Variants in RRP1 observed in about 807,000 individuals in gnomAD.
RRP1 encodes ribosomal RNA processing protein 1 homolog A.
A neutral mutation model predicts 54.6 loss-of-function variants in RRP1; 37 were observed. The observed-to-expected ratio is 0.68, with a 90% CI of 0.52 to 0.89. RRP1 has a LOEUF of 0.89. Ranked by LOEUF, RRP1 falls within the 40% of genes least tolerant of loss-of-function variation. The pLI, the probability that RRP1 is intolerant of heterozygous loss-of-function variation, is 0.00. For missense variants in RRP1, 639 were observed against 612.5 expected, an observed-to-expected ratio of 1.04 and a Z score of -0.46; for synonymous variants, 262 against 244.3, an observed-to-expected ratio of 1.07 and a Z score of -0.67.
At position 43,799,638 on chromosome 21, in the gene RRP1, C is replaced by T. The variant is rs756932112; in HGVS notation, c.880C>T (p.Pro294Ser). 3.7e-6 allele frequency: 6 copies of T among 1,610,424 alleles called. No individual in the cohort carries two copies. Among genetic ancestry groups the T allele is most frequent in the East Asian group, 2.2e-5 (1 of 44,782 alleles). Residue 294 changes from proline (P) to serine (S), a missense_variant, in exon 9 of 13, where the codon CCC (proline) becomes TCC (serine). Pro to Ser is a moderately conservative substitution (Grantham distance 74, BLOSUM62 -1). Transcript: ENST00000497547. ...QAGDDRDSGG[P>S]VLQFDYEAVA... ...AGGTGACGACAGGGACAGTGGCGGC[C>T]CCGTTCTCCAGGTGGGTTCCCTGGG...
rs192857962 is a variant in RRP1, at chr21:43,793,293, T to G, written c.275-26T>G. 1,022 of 1,611,304 alleles carry G rather than the reference T, an allele frequency of 6.3e-4. 6 individuals carry two copies. In the African/African-American group the frequency reaches 0.012, roughly 19 times the overall value. ...GAGTGGCTTCGTGCTCCTCAGTGGT[T>G]CTCTTCTGGCTTATTCCTTCTCCAG... is the stretch of plus-strand genomic sequence containing the variant. On this transcript the variant is annotated intron_variant, in intron 3 of 12. Transcript: ENST00000497547.
chr21:43,793,312 TCTC>T lies in RRP1; in HGVS notation c.275-5_275-3del. 6.2e-7 allele frequency: 1 copy of T among 1,613,970 alleles called. No individual in the cohort carries two copies. Among genetic ancestry groups the T allele is most frequent in the Non-Finnish European group, 8.5e-7 (1 of 1,179,848 alleles). ...AGTGGTTCTCTTCTGGCTTATTCCT[TCTC>T]CAGAGCACCTGTTCCTTCAGGCCTT... On this transcript the variant is annotated splice_polypyrimidine_tract_variant and splice_region_variant and intron_variant, in intron 3 of 12. Coordinates refer to ENST00000497547, the MANE Select transcript of RRP1 (RefSeq NM_003683.6).
chr21:43,791,247 G>A lies in RRP1; in HGVS notation c.134-103G>A, dbSNP rs148911424. 309 of 1,210,986 alleles carry A rather than the reference G, an allele frequency of 2.6e-4. 1 individual carries two copies. The highest frequency in any genetic ancestry group is 2.5e-3 in the African/African-American group (167 of 67,140). The allele number at this position is 1,210,986 out of a possible 1,614,324, so 75.0% of individuals were successfully genotyped here. A position where few individuals can be genotyped will look rare whatever the true frequency, so the allele number is the denominator to read the frequency against. ...TGCCCCCCAGTTGCCTTTACCGTAA[G>A]TGGGACTTTGGTCTCATTCAGGCAG... On this transcript the variant is annotated intron_variant, in intron 1 of 12. Coordinates refer to ENST00000497547, the MANE Select transcript of RRP1 (RefSeq NM_003683.6).
At chr21:43,801,855 T>TG (rs1243893291) in intron 11 of RRP1, among the ~76,000 whole-genome samples, 3 of 152,194 alleles carry the variant, frequency 2.0e-5, no homozygotes, top group African/African-American at 7.2e-5. Flanking sequence ...AAATCCAAAA[T>TG]GCCACCAAGT....
chr21:43,798,112 A>G lies in RRP1; in HGVS notation c.811+12A>G, dbSNP rs1445412400. ...GAAGCCGCCCGCAGGTGGGGGTCAC[A>G]CTGCGCCTGGCTTCTCCTCGGGGCC... On this transcript the variant is annotated intron_variant, in intron 8 of 12. Coordinates refer to ENST00000497547, the MANE Select transcript of RRP1 (RefSeq NM_003683.6). The G allele has an allele frequency of 1.1e-5, 17 of 1,597,862 alleles. No individual in the cohort carries two copies. Among genetic ancestry groups the G allele is most frequent in the Middle Eastern group, 1.7e-4 (1 of 5,766 alleles).
rs774481564 is a variant in RRP1 at position 43,800,513 on chromosome 21, A to T, written c.892-4A>T. ...GCCTCTGTGACGTCTCTCTTTTGAAACAGTTTGACTACGAGGCAGTTGCTA... is the reference window on the plus strand; with the variant it reads ...GCCTCTGTGACGTCTCTCTTTTGAATCAGTTTGACTACGAGGCAGTTGCTA... On this transcript the variant is annotated splice_polypyrimidine_tract_variant and splice_region_variant and intron_variant, in intron 9 of 12. Coordinates refer to ENST00000497547, the MANE Select transcript of RRP1 (RefSeq NM_003683.6). 3.7e-6 allele frequency: 6 copies of T among 1,613,968 alleles called. No homozygotes were observed. The African/African-American group carries it at 8.0e-5, about 22-fold the overall frequency.
intron 11 of RRP1, among the ~76,000 whole-genome samples, chr21:43,801,709 C>T (rs1468697218): frequency 1.3e-5 from 2 of 152,126 alleles, no homozygotes; most frequent in East Asian, 1.9e-4. Context: ...TTCGGGACAG[C>T]GCGCGTCAGT....
In RRP1 at chr21:43,789,723, C is replaced by T. The variant is rs1314447706; in HGVS notation, c.94C>T (p.Leu32Phe). 1 of 1,543,652 alleles carries T rather than the reference C, an allele frequency of 6.5e-7. No homozygotes were observed. Among genetic ancestry groups the T allele is most frequent in the Non-Finnish European group, 8.7e-7 (1 of 1,144,576 alleles). ...QVTRDRAVRKLRKYIVARTQR... is the reference protein window; with the variant it reads ...QVTRDRAVRKFRKYIVARTQR... ...GACCCGGGACCGGGCGGTGAGGAAG[C>T]TCCGGAAATACATCGTCGCCAGGAC... is the stretch of plus-strand genomic sequence containing the variant. Residue 32 changes from leucine to phenylalanine, a missense_variant, in exon 1 of 13, where the codon CTC (leucine) becomes TTC (phenylalanine). Coordinates refer to ENST00000497547, the MANE Select transcript of RRP1 (RefSeq NM_003683.6).
chr21:43,792,710 T>G lies in RRP1; in HGVS notation c.255T>G (p.Ala85=). The G allele has an allele frequency of 6.2e-7, 1 of 1,614,134 alleles. No homozygotes were observed. Among genetic ancestry groups the G allele is most frequent in the Non-Finnish European group, 8.5e-7 (1 of 1,179,998 alleles). Residue 85 remains alanine (A), a synonymous_variant, in exon 3 of 13, where the codon GCT becomes GCG. Transcript: ENST00000497547. ...GGACTATTTCCCAGCTCGTTCATGCTTTTCAGACCACGGAGGCGCGTGAGT... is the reference window on the plus strand; with the variant it reads ...GGACTATTTCCCAGCTCGTTCATGCGTTTCAGACCACGGAGGCGCGTGAGT... ...LGRTISQLVH[A]FQTTEAQHLF...
chr21:43,791,904 G>C (rs1445564788), intron 2 of RRP1, among the ~76,000 whole-genome samples: 1 of 152,192 alleles, frequency 6.6e-6, no homozygotes, highest in East Asian at 1.9e-4. Context: ...TGTTAGGTGA[G>C]TCTTACACTT....
chr21:43,798,342 C>G (rs149198180), intron 8 of RRP1, among the ~76,000 whole-genome samples: 258 of 152,306 alleles, frequency 1.7e-3, no homozygotes, highest in Middle Eastern at 6.8e-3. Context: ...GCTCCTCGGT[C>G]TAACGCATGC....
At position 43,800,514 on chromosome 21, in the gene RRP1, C is replaced by A; in HGVS notation, c.892-3C>A. ...CCTCTGTGACGTCTCTCTTTTGAAA[C>A]AGTTTGACTACGAGGCAGTTGCTAA... On this transcript the variant is annotated splice_polypyrimidine_tract_variant and splice_region_variant and intron_variant, in intron 9 of 12. Transcript: ENST00000497547. 1 of 1,614,152 alleles carries A rather than the reference C, an allele frequency of 6.2e-7. No individual in the cohort carries two copies. The highest frequency in any genetic ancestry group is 2.2e-5 in the East Asian group (1 of 44,894).
At chr21:43,803,393 T>C in intron 12 of RRP1, 119 bp from the exon 13 acceptor site, 13 of 1,347,830 alleles carry the variant, frequency 9.6e-6, no homozygotes, top group Non-Finnish European at 1.3e-5. Flanking sequence ...TCTGGCTGGC[T>C]GTTGTGGCCG....
intron 4 of RRP1, among the ~76,000 whole-genome samples, chr21:43,793,886 G>T (rs955049938): frequency 5.9e-5 from 9 of 152,178 alleles, no homozygotes; most frequent in African/African-American, 1.9e-4. Context: ...TGAGAATACA[G>T]GGGAACACTG....
At position 43,802,495 on chromosome 21, in the gene RRP1, T is replaced by A. The variant is rs763299984; in HGVS notation, c.1123+108T>A. 10 of 848,860 alleles carry A rather than the reference T, an allele frequency of 1.2e-5. No homozygotes were observed. In the Admixed American group the frequency reaches 1.8e-4, roughly 15 times the overall value. The allele number at this position is 848,860 out of a possible 1,614,324, so 52.6% of individuals were successfully genotyped here. ...CTCCCCCTGAAGCATGAGTGCCGAG[T>A]CCCCCATCCTGGGTGCCTGCTATCC... On this transcript the variant is annotated intron_variant, in intron 12 of 12. Coordinates refer to ENST00000497547, the MANE Select transcript of RRP1 (RefSeq NM_003683.6).
chr21:43,795,754 G>A (rs961754190), intron 5 of RRP1, among the ~76,000 whole-genome samples: 2 of 152,182 alleles, frequency 1.3e-5, no homozygotes, highest in Admixed American at 1.3e-4. Context: ...GTTCTGTCCT[G>A]TTGCCCAGGC....
At position 43,798,048 on chromosome 21, in the gene RRP1, T is replaced by A; in HGVS notation, c.759T>A (p.Gly253=). 2 of 1,613,554 alleles carry A rather than the reference T, an allele frequency of 1.2e-6. No homozygotes were observed. Among genetic ancestry groups the A allele is most frequent in the South Asian group, 2.2e-5 (2 of 91,070 alleles). The stretch of plus-strand genomic sequence containing the variant: ...CGGACAGTGATGAGTCCTCTGAGGG[T>A]GGTGAGCGTGGAGACGCGCTGTCCC... ...VASDSDESSE[G]GERGDALSQK... The change falls in exon 8 of 13, where the codon GGT becomes GGA. Residue 253 remains glycine, a synonymous_variant. Coordinates refer to ENST00000497547, the MANE Select transcript of RRP1 (RefSeq NM_003683.6).
chr21:43,796,821 C>G (rs2838376), intron 5 of RRP1, among the ~76,000 whole-genome samples: 51,952 of 152,086 alleles, frequency 0.34, 10,524 homozygotes, highest in African/African-American at 0.56. Context: ...AGGTGCTACA[C>G]ATTATTCTCT....
chr21:43,800,423 G>A, intron 9 of RRP1, 94 bp from the exon 10 acceptor site: 2 of 1,171,942 alleles, frequency 1.7e-6, no homozygotes, highest in South Asian at 2.6e-5. Flanking sequence ...CTGCAAGTGG[G>A]ACCAAGTGCT....
Sources: gnomAD v4.1 joint callset for allele counts (sites outside exome capture counted in the v4.1 genomes callset) on GRCh38, gnomAD v4.1.1 for gene constraint, MANE v1.5 for transcripts, NCBI Gene and HGNC (gene_info 2026-07-23, HGNC 2026-07-21) for gene names.